Variants in SLC14A2 observed in about 807,000 individuals in gnomAD.
SLC14A2 encodes solute carrier family 14 member 2, also known as urea transporter 2.
SLC14A2 carries 91 observed loss-of-function variants against 104.6 expected under a neutral mutation model. The ratio of observed to expected loss-of-function variants is 0.87; its 90% confidence interval spans 0.73 to 1.04. The LOEUF is 1.04. SLC14A2 is among the 50% of genes least tolerant of loss of function. The pLI is 0.00. For missense variants in SLC14A2, 1,189 were observed against 1,156.0 expected, an observed-to-expected ratio of 1.03 and a Z score of -0.41; for synonymous variants, 476 against 466.4, an observed-to-expected ratio of 1.02 and a Z score of -0.27.
At chr18:45,342,958 A>G (rs944598228) in intron 1 of SLC14A2, among the ~76,000 whole-genome samples, 1 of 152,126 alleles carries the variant, frequency 6.6e-6, no homozygotes, top group African/African-American at 2.4e-5. Flanking sequence ...ACCTTTAATC[A>G]GTCTTTCTTT....
At chr18:45,527,914 T>C (rs1376362251) in intron 2 of SLC14A2, 1 of 152,186 alleles carries the variant, frequency 6.6e-6, no homozygotes, top group Non-Finnish European at 1.5e-5. Flanking sequence ...ACCTTATTGA[T>C]GTGAAGTCTT....
At chr18:45,450,422 AC>A (rs916744279) in intron 1 of SLC14A2, among the ~76,000 whole-genome samples, 4 of 152,154 alleles carry the variant, frequency 2.6e-5, no homozygotes, top group African/African-American at 9.7e-5. Flanking sequence ...AGACAATACA[AC>A]TTGAGAATTA....
intron 2 of SLC14A2, among the ~76,000 whole-genome samples, chr18:45,583,342 G>T (rs2044524523): frequency 6.6e-6 from 1 of 152,132 alleles, no homozygotes; most frequent in South Asian, 2.1e-4. Context: ...CTGAAGCTTT[G>T]TCTGCCCCTG....
At chr18:45,659,729 A>G (rs1468556114) in intron 10 of SLC14A2, among the ~76,000 whole-genome samples, 2 of 152,226 alleles carry the variant, frequency 1.3e-5, no homozygotes, top group Admixed American at 1.3e-4. Flanking sequence ...CCTATATTTC[A>G]GTGTCTATCA....
the SLC14A2 span, among the ~76,000 whole-genome samples, chr18:45,176,804 C>T: frequency 6.6e-6 from 1 of 152,142 alleles, no homozygotes; most frequent in Non-Finnish European, 1.5e-5. Context: ...TAACCCACTT[C>T]TCTATGCAAG....
exon 2 of SLC14A2, chr18:45,483,237 G>A (rs2087531453): frequency 6.6e-6 from 1 of 151,980 alleles, no homozygotes; most frequent in Non-Finnish European, 1.5e-5. Context: ...TTACAGGATT[G>A]TTTCTTGCTT....
chr18:45,576,086 A>T (rs1488171939), intron 2 of SLC14A2, among the ~76,000 whole-genome samples: 4 of 152,128 alleles, frequency 2.6e-5, no homozygotes, highest in African/African-American at 9.7e-5. Context: ...CTGTAACTCT[A>T]ATCATCTCTC....
At chr18:45,309,937 C>T (rs1427762292) in intron 1 of SLC14A2, among the ~76,000 whole-genome samples, 3 of 151,960 alleles carry the variant, frequency 2.0e-5, no homozygotes, top group East Asian at 1.9e-4. Context: ...GCAACAATAT[C>T]GGTCTGCATT....
At chr18:45,284,329 T>A (rs78828106) in intron 1 of SLC14A2, among the ~76,000 whole-genome samples, 1,715 of 152,290 alleles carry the variant, frequency 0.011, 33 homozygotes, top group African/African-American at 0.039. Context: ...CATCTGGCTT[T>A]TGACTTGGTT....
At chr18:45,336,583 CCT>C (rs1408508674) in intron 1 of SLC14A2, among the ~76,000 whole-genome samples, 1 of 152,144 alleles carries the variant, frequency 6.6e-6, no homozygotes, top group Non-Finnish European at 1.5e-5. Flanking sequence ...CCTCTGTCCC[CCT>C]GTTACCTCAT....
At chr18:45,178,273 G>A in the SLC14A2 span, among the ~76,000 whole-genome samples, 2 of 151,130 alleles carry the variant, frequency 1.3e-5, no homozygotes, top group Admixed American at 1.3e-4. Context: ...TTTGAAAACA[G>A]TTTTGCATTC....
Position 45,667,026 on chromosome 18 carries a change from G to A in SLC14A2, c.1649G>A (p.Gly550Glu). The part of the protein sequence containing the change: ...SWIRSSMAAS[G>E]KRVSKALSYI... Reference sequence around the variant, plus strand: ...ATTCGGAGTTCCATGGCTGCCAGTGGGAAAAGGGTCAGCAAAGCCCTCAGC... The same window carrying A: ...ATTCGGAGTTCCATGGCTGCCAGTGAGAAAAGGGTCAGCAAAGCCCTCAGC... Residue 550 changes from glycine to glutamate, a missense_variant, in exon 13 of 20, where the codon GGG (glycine) becomes GAG (glutamate). Physicochemically the swap from Gly to Glu is moderately conservative, Grantham distance 98. Coordinates refer to ENST00000255226, the MANE Select transcript of SLC14A2 (RefSeq NM_007163.4). 1 of 1,613,992 alleles carries A rather than the reference G, an allele frequency of 6.2e-7. No homozygotes were observed. Among genetic ancestry groups the A allele is most frequent in the African/African-American group, 1.3e-5 (1 of 75,036 alleles).
chr18:45,496,942 G>A (rs1044041033), intron 2 of SLC14A2, among the ~76,000 whole-genome samples: 1 of 152,162 alleles, frequency 6.6e-6, no homozygotes, highest in Admixed American at 6.5e-5. Flanking sequence ...CTTGCCAGAG[G>A]CTCTCAGGCC....
intron 10 of SLC14A2, among the ~76,000 whole-genome samples, chr18:45,645,947 T>C (rs952599047): frequency 9.9e-5 from 15 of 152,158 alleles, no homozygotes; most frequent in African/African-American, 3.6e-4. Flanking sequence ...CCTTGCGACA[T>C]AGCAAAGGGG....
At chr18:45,313,824 T>C (rs755129269) in intron 1 of SLC14A2, among the ~76,000 whole-genome samples, 37 of 152,246 alleles carry the variant, frequency 2.4e-4, no homozygotes, top group Admixed American at 1.8e-3. Context: ...TTTTTGTCTC[T>C]GTGTAATCAG....
At chr18:45,376,138 T>A (rs1366364241) in intron 1 of SLC14A2, among the ~76,000 whole-genome samples, 3 of 152,208 alleles carry the variant, frequency 2.0e-5, no homozygotes, top group Non-Finnish European at 4.4e-5. Flanking sequence ...TTTCTTCTCC[T>A]TGAGGCTTTT....
At chr18:45,488,010 T>C (rs1278834026) in intron 2 of SLC14A2, among the ~76,000 whole-genome samples, 1 of 152,292 alleles carries the variant, frequency 6.6e-6, no homozygotes, top group South Asian at 2.1e-4. Context: ...TAAGCTTCAC[T>C]TTTACATGTG....
chr18:45,655,632 C>T (rs932708848), intron 10 of SLC14A2, among the ~76,000 whole-genome samples: 1 of 152,132 alleles, frequency 6.6e-6, no homozygotes, highest in Non-Finnish European at 1.5e-5. Context: ...TTCTGCATAG[C>T]TATGTCTGCC....
At chr18:45,341,520 T>G (rs2085393666) in intron 1 of SLC14A2, among the ~76,000 whole-genome samples, 1 of 152,162 alleles carries the variant, frequency 6.6e-6, no homozygotes, top group African/African-American at 2.4e-5. Context: ...ATGTTCTCAT[T>G]TTTGCACATT....
Sources: allele counts gnomAD v4.1 joint callset (sites outside exome capture counted in the v4.1 genomes callset), GRCh38; gene constraint gnomAD v4.1.1; transcripts MANE v1.5; gene names NCBI Gene and HGNC (gene_info 2026-07-23, HGNC 2026-07-21).